The following PTCH1 variants were observed in gnomAD, a reference collection of about 807,000 sequenced individuals.
PTCH1 encodes protein patched homolog 1.
PTCH1 carries 14 observed loss-of-function variants against 144.6 expected under a neutral mutation model. The observed-to-expected ratio is 0.10, with a 90% confidence interval of 0.06 to 0.15. The LOEUF (loss-of-function observed/expected upper bound fraction) is 0.15. Among genes scored for constraint, PTCH1 ranks in the 10% least tolerant of loss-of-function variants. The probability of loss-of-function intolerance (pLI) is 1.00; values close to 1 mark genes in which losing one functional copy is unlikely to be tolerated. For synonymous variants in PTCH1, 833 were observed against 793.6 expected, an observed-to-expected ratio of 1.05 and a Z score of -0.83; for missense variants, 1,623 against 1,948.3, an observed-to-expected ratio of 0.83 and a Z score of 3.14.
upstream of PTCH1, among the ~76,000 whole-genome samples, chr9:95,510,874 A>G (rs1199516767): frequency 6.7e-6 from 1 of 149,280 alleles, no homozygotes; most frequent in Non-Finnish European, 1.5e-5. Context: ...CGGCTCCCGG[A>G]CTCCCCGCGC....
rs1248066659 is a variant in PTCH1, at chr9:95,506,531, C to T, written c.270G>A (p.Leu90=). ...RAKFQRLLFK[L]GCYIQKNCGK... ...CGCAGTTTTTTTGAATGTAACAACC[C>T]AGTTTAAATAAGAGTCTCTGAAACT... The change falls in exon 2 of 24, where the codon CTG becomes CTA. Residue 90 remains leucine, a synonymous_variant. Transcript: ENST00000331920. 6.2e-7 allele frequency: 1 copy of T among 1,613,694 alleles called. No individual in the cohort carries two copies. Among genetic ancestry groups the T allele is most frequent in the South Asian group, 1.1e-5 (1 of 90,994 alleles).
chr9:95,468,944 G>A lies in PTCH1; in HGVS notation c.2057C>T (p.Ser686Phe), dbSNP rs1373585633. The A allele has an allele frequency of 1.2e-6, 2 of 1,614,200 alleles. No homozygotes were observed. Among genetic ancestry groups the A allele is most frequent in the Non-Finnish European group, 1.7e-6 (2 of 1,180,050 alleles). Residue 686 changes from serine (S) to phenylalanine (F), a missense_variant, in exon 14 of 24, where the codon TCT becomes TTT. Around this residue, in one of 7 missense-constraint regions of PTCH1, gnomAD observed 179 missense variants for 165.7 expected, o/e 1.08. Coordinates refer to ENST00000331920, the MANE Select transcript of PTCH1 (RefSeq NM_000264.5). ...YTTAEPRSEI[S>F]VQPVTVTQDT... ...CTGTGTCACGGTGACGGGCTGCACAGAGATCTCGGAGCGCGGCTCAGCGGT... is the reference window on the plus strand; with the variant it reads ...CTGTGTCACGGTGACGGGCTGCACAAAGATCTCGGAGCGCGGCTCAGCGGT...
At position 95,480,602 on chromosome 9, in the gene PTCH1, T is replaced by G. The variant is rs373907227; in HGVS notation, c.747-14A>C. The stretch of plus-strand genomic sequence containing the variant: ...GGAGGTTTACCTCTGCAAAAGAAAT[T>G]AGGAGACGAGACCATGAAAAGAGCC... On this transcript the variant is annotated splice_polypyrimidine_tract_variant and intron_variant, in intron 5 of 23. Coordinates refer to ENST00000331920, the MANE Select transcript of PTCH1 (RefSeq NM_000264.5). 1 of 1,608,674 alleles carries G rather than the reference T, an allele frequency of 6.2e-7. No homozygotes were observed. The highest frequency in any genetic ancestry group is 8.5e-7 in the Non-Finnish European group (1 of 1,175,412).
At chr9:95,480,282 C>A (rs1165540281) in intron 6 of PTCH1, 108 bp downstream of exon 6, 3 of 1,541,472 alleles carry the variant, frequency 1.9e-6, no homozygotes, top group Non-Finnish European at 2.7e-6. Flanking sequence ...CAAAGACGAT[C>A]ATGGAGAATG....
upstream of PTCH1, among the ~76,000 whole-genome samples, chr9:95,513,829 C>T (rs1410289852): frequency 1.3e-5 from 2 of 152,118 alleles, no homozygotes; most frequent in South Asian, 2.1e-4. Flanking sequence ...TACCCCCTCC[C>T]CAGGCTGGAG....
chr9:95,512,135 C>A (rs150724319), upstream of PTCH1, among the ~76,000 whole-genome samples: 404 of 152,362 alleles, frequency 2.7e-3, 4 homozygotes, highest in African/African-American at 9.1e-3. Context: ...GCGGCTGCCA[C>A]ATGCACGTCA....
At chr9:95,484,147 A>C (rs1841790121) in intron 3 of PTCH1, 3 of 152,236 alleles carry the variant, frequency 2.0e-5, no homozygotes, top group Admixed American at 2.0e-4. Context: ...CATGTAGGTG[A>C]CAAACACTAA....
rs1011098447 is a variant in PTCH1 at position 95,445,156 on chromosome 9, C to G, written c.*1237G>C. On this transcript the variant is annotated 3_prime_UTR_variant, in exon 24 of 24. Transcript: ENST00000331920. ...GAAGATGCAAACAGATCTAGAAAGC[C>G]TCAACCAGCTGCTCCATTTAAGAGA... 6.6e-6 allele frequency: 1 copy of G among 152,182 alleles called. No homozygotes were observed. The highest frequency in any genetic ancestry group is 1.5e-5 in the Non-Finnish European group (1 of 68,060). 9.4% of individuals were successfully genotyped at this position (152,182 alleles called of 1,614,324 possible). A position where few individuals can be genotyped will look rare whatever the true frequency, so the allele number is the denominator to read the frequency against.
At chr9:95,472,957 T>C (rs759784325) in intron 12 of PTCH1, among the ~76,000 whole-genome samples, 12 of 152,190 alleles carry the variant, frequency 7.9e-5, no homozygotes, top group Non-Finnish European at 1.3e-4. Flanking sequence ...ATTCTAGTTA[T>C]TGTACTCATA....
upstream of PTCH1, among the ~76,000 whole-genome samples, chr9:95,511,563 C>T (rs1292858189): frequency 1.3e-5 from 2 of 152,184 alleles, no homozygotes; most frequent in Non-Finnish European, 2.9e-5. Flanking sequence ...TTAAGGAGCA[C>T]GTGATTTTGT....
Position 95,449,513 on chromosome 9 carries a change from T to A in PTCH1, c.3550-190A>T. On this transcript the variant is annotated intron_variant, in intron 21 of 23. Transcript: ENST00000331920. This position sits in a 1 kb window ranked among gnomAD's most constrained non-coding sequence, Gnocchi z 5.3. ...GGTCCCGCAGCTGGAGCAGAAGAAC[T>A]GTCCTCTGCTCCACACTGGAAAGGC... 9.2e-6 allele frequency: 7 copies of A among 763,682 alleles called. No homozygotes were observed. The highest frequency in any genetic ancestry group is 1.7e-5 in the South Asian group (1 of 58,794). The allele number at this position is 763,682 out of a possible 1,614,324, so 47.3% of individuals were successfully genotyped here. A position where few individuals can be genotyped will look rare whatever the true frequency, so the allele number is the denominator to read the frequency against.
chr9:95,478,072 T>C lies in PTCH1; in HGVS notation c.1330A>G (p.Ser444Gly). 1 of 1,614,192 alleles carries C rather than the reference T, an allele frequency of 6.2e-7. No individual in the cohort carries two copies. Among genetic ancestry groups the C allele is most frequent in the Non-Finnish European group, 8.5e-7 (1 of 1,180,032 alleles). The change falls in exon 9 of 24, where the codon AGC becomes GGC. Residue 444 changes from serine to glycine, a missense_variant. Ser to Gly is a moderately conservative substitution (Grantham distance 56). Coordinates refer to ENST00000331920, the MANE Select transcript of PTCH1 (RefSeq NM_000264.5). ...AGCGTTACCATGAGTAAGTAGCCGC[T>C]GGCCACGCGGATGACACTGACGTCA... is the stretch of plus-strand genomic sequence containing the variant. ...FSDVSVIRVA[S>G]GYLLMLAYAC...
chr9:95,506,884 A>G (rs1420638126), intron 1 of PTCH1: 3 of 1,148,450 alleles, frequency 2.6e-6, no homozygotes, highest in Admixed American at 4.9e-5. Context: ...GCAATACAGA[A>G]GAGGAAGCCG....
At chr9:95,464,405 A>G (rs534993880) in intron 15 of PTCH1, among the ~76,000 whole-genome samples, 1 of 152,360 alleles carries the variant, frequency 6.6e-6, no homozygotes, top group East Asian at 1.9e-4. Context: ...TTAATATCTT[A>G]GCTAGAAGTT....
intron 12 of PTCH1, chr9:95,474,139 A>T (rs1214172415): frequency 2.1e-6 from 1 of 483,352 alleles, no homozygotes. Flanking sequence ...AGCCATCAGT[A>T]TGTACTAAGA....
chr9:95,508,412 C>T lies in PTCH1; in HGVS notation c.-51G>A. On this transcript the variant is annotated 5_prime_UTR_variant, in exon 1 of 24. Transcript: ENST00000331920. ...CGGGGACGGAGGCTTCCCGGGCGGC[C>T]CGGCGCGCTGCTGCCGCTGCTGCGG... 1 of 1,070,126 alleles carries T rather than the reference C, an allele frequency of 9.3e-7. No individual in the cohort carries two copies. The highest frequency in any genetic ancestry group is 1.1e-6 in the Non-Finnish European group (1 of 886,956). The allele number at this position is 1,070,126 out of a possible 1,614,324, so 66.3% of individuals were successfully genotyped here.
At chr9:95,507,717 C>G (rs923237788) in intron 1 of PTCH1, 6 of 184,024 alleles carry the variant, frequency 3.3e-5, no homozygotes, top group Admixed American at 1.9e-4. Flanking sequence ...TCCGCCTCCC[C>G]CTCCAAGATG....
chr9:95,463,236 G>A (rs576530153), intron 15 of PTCH1, among the ~76,000 whole-genome samples: 8 of 152,226 alleles, frequency 5.3e-5, no homozygotes, highest in African/African-American at 9.6e-5. Flanking sequence ...TGTGGGGAGG[G>A]AGGGGGAGCA....
At chr9:95,447,575 C>A in intron 22 of PTCH1, 124 bp from the exon 23 acceptor site, 1 of 1,007,828 alleles carries the variant, frequency 9.9e-7, no homozygotes, top group Non-Finnish European at 1.4e-6. Context: ...CCAATGGGGG[C>A]CTTCCACCCA....
Sources: allele counts gnomAD v4.1 joint callset (sites outside exome capture counted in the v4.1 genomes callset), GRCh38; gene constraint gnomAD v4.1.1; regional missense constraint gnomAD v4.1.1; non-coding constraint Gnocchi (gnomAD v3.1); transcripts MANE v1.5; gene names NCBI Gene and HGNC (gene_info 2026-07-23, HGNC 2026-07-21).